MCM10: variants seen among roughly 807,000 people sequenced by gnomAD.
MCM10 encodes the protein protein MCM10 homolog.
A neutral mutation model predicts 109.9 loss-of-function variants in MCM10; 91 were observed. The ratio of observed to expected loss-of-function variants is 0.83; its 90% CI spans 0.70 to 0.99. MCM10 has a LOEUF of 0.99. Among genes scored for constraint, MCM10 ranks in the 50% least tolerant of loss-of-function variants. MCM10 has a pLI of 0.00. For synonymous variants in MCM10, 380 were observed against 387.2 expected (o/e 0.98, Z 0.22); for missense variants, 1,077 against 1,061.2 (o/e 1.01, Z -0.21).
In MCM10 at chr10:13,175,630, G is replaced by T; in HGVS notation, c.713G>T (p.Gly238Val). ...GQIVGTPGSS[G>V]ETTQPICVEA... Reference sequence around the variant, plus strand: ...ATTGTGGGGACCCCAGGAAGTTCTGGGGAAACGACTCAACCCATCTGTGTG... The same window carrying T: ...ATTGTGGGGACCCCAGGAAGTTCTGTGGAAACGACTCAACCCATCTGTGTG... Residue 238 changes from glycine (G) to valine (V), a missense_variant, in exon 6 of 20, where the codon GGG (glycine) becomes GTG (valine). Transcript: ENST00000378714. 6.2e-7 allele frequency: 1 copy of T among 1,613,598 alleles called. No individual in the cohort carries two copies. Among genetic ancestry groups the T allele is most frequent in the Non-Finnish European group, 8.5e-7 (1 of 1,179,582 alleles).
At chr10:13,192,185 A>G (rs2131579379) in intron 11 of MCM10, 70 bp from the exon 12 acceptor site, 1 of 938,778 alleles carries the variant, frequency 1.1e-6, no homozygotes, top group Middle Eastern at 2.9e-4. Context: ...AGAGTTTAGA[A>G]AGTGGTATGT....
At chr10:13,202,134 G>A (rs1429644851) in intron 17 of MCM10, among the ~76,000 whole-genome samples, 1 of 152,186 alleles carries the variant, frequency 6.6e-6, no homozygotes, top group Non-Finnish European at 1.5e-5. Flanking sequence ...CAAGGCAGGA[G>A]GATCACTTAA....
rs1834655694 is a variant in MCM10, at chr10:13,211,066, C to A, written c.*1756C>A. 6.6e-6 allele frequency: 1 copy of A among 152,142 alleles called. No individual in the cohort carries two copies. Among genetic ancestry groups the A allele is most frequent in the African/African-American group, 2.4e-5 (1 of 41,426 alleles). The allele number at this position is 152,142 out of a possible 1,614,324, so 9.4% of individuals were successfully genotyped here. On this transcript the variant is annotated 3_prime_UTR_variant, in exon 20 of 20. Coordinates refer to ENST00000378714, the MANE Select transcript of MCM10 (RefSeq NM_018518.5). ...TGAGCTGTATCTGGATGCCTTTTTA[C>A]AATTTGATTTTAACTTTTAAAATAA...
chr10:13,190,073 A>G (rs943419456), intron 10 of MCM10, among the ~76,000 whole-genome samples: 1 of 152,232 alleles, frequency 6.6e-6, no homozygotes, highest in African/African-American at 2.4e-5. Flanking sequence ...TGTGGCCCGC[A>G]GGCTATGGTT....
intron 1 of MCM10, 79 bp downstream of exon 1, chr10:13,161,685 T>G (rs1285724012): frequency 1.3e-5 from 2 of 152,086 alleles, no homozygotes; most frequent in East Asian, 3.9e-4. Flanking sequence ...TCTGCGCGGG[T>G]TGCAAGGGGT....
intron 18 of MCM10, among the ~76,000 whole-genome samples, chr10:13,207,793 T>C (rs886667329): frequency 1.3e-5 from 2 of 152,260 alleles, no homozygotes; most frequent in Middle Eastern, 6.8e-3. Context: ...TCCATTAAAC[T>C]TCTTTCCTTT....
At chr10:13,183,582 A>G (rs1834236964) in intron 8 of MCM10, among the ~76,000 whole-genome samples, 2 of 152,280 alleles carry the variant, frequency 1.3e-5, no homozygotes, top group Admixed American at 6.5e-5. Context: ...ATTTCCACCT[A>G]TTCTAAAGTG....
chr10:13,204,376 A>G lies in MCM10; in HGVS notation c.2498+12A>G, dbSNP rs534860571. The G allele has an allele frequency of 5.6e-6, 9 of 1,613,198 alleles. No individual in the cohort carries two copies. The highest frequency in any genetic ancestry group is 2.2e-5 in the South Asian group (2 of 90,958). On this transcript the variant is annotated intron_variant, in intron 18 of 19. Transcript: ENST00000378714. ...AACAAGCACTGCAGGTATGAGAATC[A>G]CCTGGAGCTCTTTGTCCCACGTGGG... is the stretch of plus-strand genomic sequence containing the variant.
At chr10:13,204,998 GTA>G (rs1325120690) in intron 18 of MCM10, among the ~76,000 whole-genome samples, 119 of 19,536 alleles carry the variant, frequency 6.1e-3, no homozygotes, top group East Asian at 0.018. Flanking sequence ...ATGTATGTAT[GTA>G]TGTATATATA....
chr10:13,169,173 G>A (rs556726109), intron 2 of MCM10, among the ~76,000 whole-genome samples: 1 of 152,280 alleles, frequency 6.6e-6, no homozygotes, highest in African/African-American at 2.4e-5. Flanking sequence ...CTATGCAAAT[G>A]GCATACCTAG....
At position 13,182,495 on chromosome 10, in the gene MCM10, A is replaced by G. The variant is rs989821780; in HGVS notation, c.931-438A>G. Among the ~76,000 whole-genome samples, 2 of 152,150 alleles carry G rather than the reference A, an allele frequency of 1.3e-5. No homozygotes were observed. The highest frequency in any genetic ancestry group is 3.8e-4 in the East Asian group (2 of 5,196). On this transcript the variant is annotated intron_variant, in intron 7 of 19. Coordinates refer to ENST00000378714, the MANE Select transcript of MCM10 (RefSeq NM_018518.5). The surrounding 1 kb of genome is among the most constrained non-coding windows in gnomAD (Gnocchi z 4.2). ...TGTCTCTAAAAATAATAATCATCAT[A>G]TAATTAACCAATGATATGGAATAGA...
In MCM10 at chr10:13,210,088, A is replaced by AT. The variant is rs1834639500; in HGVS notation, c.*779dup. The AT allele has an allele frequency of 2.0e-5, 3 of 151,660 alleles. 1 individual carries two copies. The highest frequency in any genetic ancestry group is 2.0e-4 in the Admixed American group (3 of 15,170). The allele number at this position is 151,660 out of a possible 1,614,324, so 9.4% of individuals were successfully genotyped here. ...TTATTTTTTATGACAGGGTCTCACT[A>AT]TGTCACCCTGGCTGGAGTGCAGTAG... On this transcript the variant is annotated 3_prime_UTR_variant, in exon 20 of 20. Transcript: ENST00000378714.
chr10:13,203,707 T>C (rs531924677), intron 17 of MCM10, among the ~76,000 whole-genome samples: 1 of 152,310 alleles, frequency 6.6e-6, no homozygotes, highest in Non-Finnish European at 1.5e-5. Context: ...AGGATCGGAA[T>C]TAAAAGTGAA....
intron 17 of MCM10, 90 bp from the exon 18 acceptor site, chr10:13,204,129 G>A (rs1834536755): frequency 1.4e-6 from 2 of 1,478,308 alleles, no homozygotes; most frequent in Non-Finnish European, 1.8e-6. Context: ...GAGACCAGGT[G>A]GTCATGGAGC....
At chr10:13,205,719 C>A (rs563220084) in intron 18 of MCM10, among the ~76,000 whole-genome samples, 6 of 152,306 alleles carry the variant, frequency 3.9e-5, no homozygotes, top group Admixed American at 2.6e-4. Flanking sequence ...GCCATTCTTA[C>A]TGGTATAAGA....
chr10:13,188,960 C>T lies in MCM10; in HGVS notation c.1295C>T (p.Thr432Ile), dbSNP rs373853989. 4.3e-6 allele frequency: 7 copies of T among 1,614,120 alleles called. No individual in the cohort carries two copies. The highest frequency in any genetic ancestry group is 1.3e-5 in the African/African-American group (1 of 74,948). The change falls in exon 10 of 20, where the codon ACC (threonine) becomes ATC (isoleucine). Residue 432 changes from threonine (T) to isoleucine (I), a missense_variant. By Grantham distance (89) the Thr-to-Ile change is moderately conservative. Transcript: ENST00000378714. ...LSAKRADLQS[T>I]FSGGRIPKKF... ...GCAAAGCGTGCGGATCTGCAGTCCA[C>T]CTTCTCTGGAGGACGAATTCCAAAG...
intron 14 of MCM10, among the ~76,000 whole-genome samples, chr10:13,196,950 G>A (rs1160200261): frequency 1.3e-5 from 2 of 151,524 alleles, no homozygotes; most frequent in Non-Finnish European, 1.5e-5. Context: ...TTTGAGACAG[G>A]GTCTCACTCT....
intron 15 of MCM10, among the ~76,000 whole-genome samples, chr10:13,198,192 G>A (rs1223040411): frequency 2.6e-5 from 4 of 152,064 alleles, no homozygotes; most frequent in Non-Finnish European, 5.9e-5. Context: ...GATTACAGAC[G>A]TGAGCTGGAA....
chr10:13,169,694 A>G (rs1286469162), intron 2 of MCM10, among the ~76,000 whole-genome samples: 3 of 152,200 alleles, frequency 2.0e-5, no homozygotes, highest in Non-Finnish European at 1.5e-5. Flanking sequence ...GAAAGAAACT[A>G]GAACTATATG....
Sources: gnomAD v4.1 joint callset for allele counts (sites outside exome capture counted in the v4.1 genomes callset) on GRCh38, gnomAD v4.1.1 for gene constraint, Gnocchi (gnomAD v3.1) non-coding constraint, MANE v1.5 for transcripts, NCBI Gene and HGNC (gene_info 2026-07-23, HGNC 2026-07-21) for gene names.